The following ARHGAP4 variants were observed in gnomAD, a reference collection of about 807,000 sequenced individuals.
The protein encoded by ARHGAP4 is Rho GTPase activating protein 4, also known as rho GTPase-activating protein 4.
Under a neutral mutation model 67.6 loss-of-function variants are expected in ARHGAP4, and 25 were observed. The observed-to-expected ratio is 0.37, with a 90% CI of 0.27 to 0.52. The LOEUF is 0.52. Ranked by LOEUF, ARHGAP4 falls within the 20% of genes least tolerant of loss-of-function variation. ARHGAP4 has a pLI of 0.92. For synonymous variants in ARHGAP4, 448 were observed against 373.7 expected, an observed-to-expected ratio of 1.20 and a Z score of -2.29; for missense variants, 804 against 854.6, an observed-to-expected ratio of 0.94 and a Z score of 0.74.
chrX:153,916,265 T>A (rs544262781), intron 7 of ARHGAP4, among the ~76,000 whole-genome samples: 5 of 112,906 alleles, frequency 4.4e-5, no homozygotes, highest in African/African-American at 1.6e-4. Context: ...ACAATTACCC[T>A]GCTTCCAGAA....
chrX:153,912,637 G>C, intron 12 of ARHGAP4, 63 bp downstream of exon 12: 1 of 990,156 alleles, frequency 1.0e-6, no homozygotes, highest in Non-Finnish European at 1.4e-6. Context: ...CCACTGAGGT[G>C]ACCCAGAGCT....
At position 153,910,248 on chromosome X, in the gene ARHGAP4, C is replaced by A; in HGVS notation, c.2079G>T (p.Arg693=). ...LVQTLIVQPD[R]VFPPLTSLPG... is the part of the protein sequence containing the mutation. ...GCAGCGAGGTCAGGGGCGGGAAGACCCGATCGGGCTGCACTATGAGCGTCT... is the reference window on the plus strand; with the variant it reads ...GCAGCGAGGTCAGGGGCGGGAAGACACGATCGGGCTGCACTATGAGCGTCT... The change falls in exon 17 of 22, where the codon CGG becomes CGT. Residue 693 remains arginine, a synonymous_variant. Transcript: ENST00000350060. The A allele has an allele frequency of 8.3e-7, 1 of 1,210,672 alleles. No homozygotes were observed. Among genetic ancestry groups the A allele is most frequent in the Non-Finnish European group, 1.1e-6 (1 of 895,259 alleles).
chrX:153,925,716 C>T (rs912927691), intron 1 of ARHGAP4, among the ~76,000 whole-genome samples: 11 of 112,040 alleles, frequency 9.8e-5, no homozygotes, highest in African/African-American at 3.6e-4. Flanking sequence ...GGGGTTACGG[C>T]CAGGTGATCT....
intron 7 of ARHGAP4, 64 bp downstream of exon 7, chrX:153,918,768 C>T (rs1392788913): frequency 1.8e-6 from 2 of 1,109,733 alleles, no homozygotes; most frequent in Non-Finnish European, 2.5e-6. Context: ...GGTCATGCCA[C>T]TCCACTGCCC....
At chrX:153,923,570 G>A (rs951066496) in intron 1 of ARHGAP4, among the ~76,000 whole-genome samples, 6 of 112,082 alleles carry the variant, frequency 5.4e-5, no homozygotes, top group Admixed American at 4.7e-4. Flanking sequence ...TCTTCCCACC[G>A]GCAGATCAAG....
Position 153,909,113 on chromosome X carries a change from C to T in ARHGAP4, c.2564G>A (p.Cys855Tyr). The T allele has an allele frequency of 8.3e-7, 1 of 1,211,678 alleles. No individual in the cohort carries two copies. Among genetic ancestry groups the T allele is most frequent in the South Asian group, 1.8e-5 (1 of 56,977 alleles). Residue 855 changes from cysteine to tyrosine, a missense_variant, in exon 21 of 22, where the codon TGC becomes TAC. Cys to Tyr is a radical substitution (Grantham distance 194). This residue lies in a region of ARHGAP4 where 400 missense variants were observed against 348.7 expected (regional missense o/e 1.15). Transcript: ENST00000350060. ...AMGPSGHRRRCLVPASPEQHV... is the reference protein window; with the variant it reads ...AMGPSGHRRRYLVPASPEQHV... ...TTGCTCTGGGGAGGCTGGGACCAAG[C>T]AGCGTCGTCTGTGTCCAGAGGGTCC...
At chrX:153,924,440 G>C (rs1557105835) in intron 1 of ARHGAP4, among the ~76,000 whole-genome samples, 1 of 111,287 alleles carries the variant, frequency 9.0e-6, no homozygotes, top group Non-Finnish European at 1.9e-5. Flanking sequence ...ACCCTGTCCT[G>C]ACCTCCCCCT....
At position 153,924,173 on chromosome X, in the gene ARHGAP4, GCCCT is replaced by G. The variant is rs1386275467; in HGVS notation, c.67+1959_67+1962del. Among the ~76,000 whole-genome samples the G allele has an allele frequency of 1.2e-4, 13 of 111,691 alleles. No individual in the cohort carries two copies. The East Asian group carries it at 2.5e-3, about 22-fold the overall frequency. ...TCACTGGCCCTCTGGAGCCTGCCCT[GCCCT>G]GCTTCCCCCAGAGGAATACAATCCC... On this transcript the variant is annotated intron_variant, in intron 1 of 21. Coordinates refer to ENST00000350060, the MANE Select transcript of ARHGAP4 (RefSeq NM_001666.5).
Position 153,909,534 on chromosome X carries a change from T to C in ARHGAP4, c.2416A>G (p.Thr806Ala), listed in dbSNP as rs2148517847. ...PHKYITLPAG[T>A]EKQVVGAGLQ... The stretch of plus-strand genomic sequence containing the variant: ...CCTGCGCCCACCACCTGCTTCTCCG[T>C]CCTGCGGTGGGAAGGACCGGCCTGT... The change falls in exon 20 of 22, where the codon ACG (threonine) becomes GCG (alanine). Residue 806 changes from threonine to alanine, a missense_variant and splice_region_variant. Around this residue, in one of 2 missense-constraint regions of ARHGAP4, gnomAD observed 400 missense variants for 348.7 expected, o/e 1.15. Coordinates refer to ENST00000350060, the MANE Select transcript of ARHGAP4 (RefSeq NM_001666.5). The C allele has an allele frequency of 1.7e-6, 2 of 1,205,237 alleles. No individual in the cohort carries two copies. Among genetic ancestry groups the C allele is most frequent in the Non-Finnish European group, 2.2e-6 (2 of 892,450 alleles).
Position 153,910,619 on chromosome X carries a change from C to T in ARHGAP4, c.1817-8G>A, listed in dbSNP as rs782292611. The stretch of plus-strand genomic sequence containing the variant: ...CCGCTGTGGCCTCCAGCTCTGTGGC[C>T]AAAGCCGCCCAGAGAGAGCCGCGTG... On this transcript the variant is annotated splice_polypyrimidine_tract_variant and splice_region_variant and intron_variant, in intron 15 of 21. Transcript: ENST00000350060. The T allele has an allele frequency of 3.3e-6, 4 of 1,198,534 alleles. No individual in the cohort carries two copies. In the Admixed American group the frequency reaches 8.9e-5, roughly 27 times the overall value.
chrX:153,922,096 G>A, intron 1 of ARHGAP4: 4 of 957,730 alleles, frequency 4.2e-6, no homozygotes, highest in Non-Finnish European at 5.2e-6. Context: ...AGAGAGAGGG[G>A]AGAGCCGCCC....
intron 7 of ARHGAP4, among the ~76,000 whole-genome samples, chrX:153,916,408 C>T (rs2065055869): frequency 8.8e-6 from 1 of 113,213 alleles, no homozygotes; most frequent in Admixed American, 9.3e-5. Flanking sequence ...AGCAGGGCTC[C>T]CTCCAGCAAT....
In ARHGAP4 at chrX:153,913,464, C is replaced by G. The variant is rs782372121; in HGVS notation, c.1271G>C (p.Arg424Pro). The G allele has an allele frequency of 2.5e-6, 3 of 1,210,277 alleles. No homozygotes were observed. The highest frequency in any genetic ancestry group is 2.2e-6 in the Non-Finnish European group (2 of 895,155). ...LKSTSSDPGSRQAGRRRGQQQ... is the reference protein window; with the variant it reads ...LKSTSSDPGSPQAGRRRGQQQ... ...CTGGCCGCGCCTCCGGCCCGCCTGC[C>G]GGCTGCCTGGGTCTGAGCTGGTGGA... Residue 424 changes from arginine (R) to proline (P), a missense_variant, in exon 9 of 22, where the codon CGG becomes CCG. Arg to Pro is a moderately radical substitution (Grantham distance 103, BLOSUM62 -2). Coordinates refer to ENST00000350060, the MANE Select transcript of ARHGAP4 (RefSeq NM_001666.5).
In ARHGAP4 at chrX:153,926,196, C is replaced by T. The variant is rs782063687; in HGVS notation, c.7G>A (p.Ala3Thr). The change falls in exon 1 of 22, where the codon GCT (alanine) becomes ACT (threonine). Residue 3 changes from alanine (A) to threonine (T), a missense_variant. Around this residue, in one of 2 missense-constraint regions of ARHGAP4, gnomAD observed 404 missense variants for 505.9 expected, o/e 0.80. Transcript: ENST00000350060. ...CGCTCCCGCCGCAGCTTCCCGTGAG[C>T]GGCCATGGCGGCCTCGCGGCCGCGC... The part of the protein sequence containing the change: MA[A>T]HGKLRRERGL... 8.4e-6 allele frequency: 10 copies of T among 1,195,107 alleles called. No individual in the cohort carries two copies. The highest frequency in any genetic ancestry group is 1.1e-5 in the Non-Finnish European group (10 of 887,786).
At chrX:153,922,065 G>A in intron 1 of ARHGAP4, 2 of 978,491 alleles carry the variant, frequency 2.0e-6, no homozygotes, top group Admixed American at 9.4e-5. Context: ...CCCGGTTGAG[G>A]GGGAAGGGGA....
chrX:153,921,068 G>A, intron 4 of ARHGAP4, 29 bp downstream of exon 4: 3 of 1,191,234 alleles, frequency 2.5e-6, no homozygotes, highest in Non-Finnish European at 3.4e-6. Context: ...GGACCATTGG[G>A]GCAGGCCCCT....
In ARHGAP4 at chrX:153,921,757, C is replaced by T. The variant is rs781815282; in HGVS notation, c.120G>A (p.Glu40=). The T allele has an allele frequency of 8.3e-7, 1 of 1,202,480 alleles. No individual in the cohort carries two copies. The highest frequency in any genetic ancestry group is 1.1e-6 in the Non-Finnish European group (1 of 891,416). The change falls in exon 2 of 22, where the codon GAG becomes GAA. Residue 40 remains glutamate, a synonymous_variant. Transcript: ENST00000350060. ...EQLRCLELQG[E]LRRELLQELA... ...GCTCCTGCAGCAACTCCCGCCGCAG[C>T]TCGCCCTGCAGCTCCAGGCAGCGCA...
Position 153,921,113 on chromosome X carries a change from A to G in ARHGAP4, c.482T>C (p.Val161Ala). Residue 161 changes from valine (V) to alanine (A), a missense_variant, in exon 4 of 22, where the codon GTC (valine) becomes GCC (alanine). Around this residue, in one of 2 missense-constraint regions of ARHGAP4, gnomAD observed 404 missense variants for 505.9 expected, o/e 0.80. Coordinates refer to ENST00000350060, the MANE Select transcript of ARHGAP4 (RefSeq NM_001666.5). ...TTTCCTCACCGTCTGGAGCTCTGAGACCACCTCCAGGAGCTCATCCTGCAG... is the reference window on the plus strand; with the variant it reads ...TTTCCTCACCGTCTGGAGCTCTGAGGCCACCTCCAGGAGCTCATCCTGCAG... ...QQLQDELLEV[V>A]SELQTAKKTY... 8.3e-7 allele frequency: 1 copy of G among 1,203,809 alleles called. No homozygotes were observed. The highest frequency in any genetic ancestry group is 1.1e-6 in the Non-Finnish European group (1 of 891,273).
At chrX:153,911,251 GCTTT>G in intron 12 of ARHGAP4, 62 bp from the exon 13 acceptor site, 1 of 561,763 alleles carries the variant, frequency 1.8e-6, no homozygotes, top group Non-Finnish European at 2.5e-6. Flanking sequence ...TCATTCAATT[GCTTT>G]TTTTTTTTTT....
Sources: gnomAD v4.1 joint callset for allele counts (sites outside exome capture counted in the v4.1 genomes callset) on GRCh38, gnomAD v4.1.1 for gene constraint, gnomAD v4.1.1 regional missense constraint, MANE v1.5 for transcripts, NCBI Gene and HGNC (gene_info 2026-07-23, HGNC 2026-07-21) for gene names.